MYH14: variants seen among roughly 807,000 people sequenced by gnomAD.
The protein encoded by MYH14 is myosin heavy chain 14.
Under a neutral mutation model 255.5 loss-of-function variants are expected in MYH14, and 123 were observed. The observed-to-expected ratio is 0.48, with a 90% CI of 0.42 to 0.56. The LOEUF is 0.56. Among genes scored for constraint, MYH14 ranks in the 20% least tolerant of loss-of-function variants. The pLI, the probability that MYH14 is intolerant of heterozygous loss-of-function variation, is 0.00. For synonymous variants in MYH14, 1,095 were observed against 1,161.2 expected, an observed-to-expected ratio of 0.94 and a Z score of 1.16; for missense variants, 2,423 against 2,802.3, an observed-to-expected ratio of 0.86 and a Z score of 3.06.
In MYH14 at chr19:50,309,773, C is replaced by T; in HGVS notation, c.6094C>T (p.Pro2032Ser). The change falls in exon 43 of 43, where the codon CCA becomes TCA. Residue 2032 changes from proline to serine, a missense_variant. By Grantham distance (74) the Pro-to-Ser change is moderately conservative. Coordinates refer to ENST00000642316, the MANE Select transcript of MYH14 (RefSeq NM_001145809.2). ...ATCCCCGGAGCCTGAGGGGTCCCCACCAGCCCACCCCCAGTGACCCTACCC... is the reference window on the plus strand; with the variant it reads ...ATCCCCGGAGCCTGAGGGGTCCCCATCAGCCCACCCCCAGTGACCCTACCC... ...GPSPEPEGSPPAHPQ is the reference protein window; with the variant it reads ...GPSPEPEGSPSAHPQ 1 of 1,558,338 alleles carries T rather than the reference C, an allele frequency of 6.4e-7. No homozygotes were observed. The highest frequency in any genetic ancestry group is 8.7e-7 in the Non-Finnish European group (1 of 1,143,546).
intron 23 of MYH14, among the ~76,000 whole-genome samples, chr19:50,267,298 C>A (rs1166252936): frequency 6.8e-6 from 1 of 147,806 alleles, no homozygotes; most frequent in African/African-American, 2.5e-5. Context: ...TGGAGCTGGG[C>A]TGTAGGATCT....
chr19:50,212,158 T>C (rs921483049), intron 2 of MYH14, among the ~76,000 whole-genome samples: 14 of 152,312 alleles, frequency 9.2e-5, no homozygotes, highest in African/African-American at 3.1e-4. Flanking sequence ...ACCTCTATGG[T>C]AGAATCATTT....
chr19:50,209,746 T>G (rs2032047866), intron 1 of MYH14, among the ~76,000 whole-genome samples: 1 of 142,970 alleles, frequency 7.0e-6, no homozygotes, highest in South Asian at 2.2e-4. Flanking sequence ...ATCGTGCCAC[T>G]GCACTCCAGC....
At position 50,297,058 on chromosome 19, in the gene MYH14, T is replaced by C. The variant is rs187361898; in HGVS notation, c.5469+3371T>C. ...TGGAGTGCCGTGGTGTGATCTTGGC[T>C]CACTGCAACCTCTGCCTCCCGGATT... On this transcript the variant is annotated intron_variant, in intron 39 of 42. Coordinates refer to ENST00000642316, the MANE Select transcript of MYH14 (RefSeq NM_001145809.2). 3.8e-3 allele frequency among the ~76,000 whole-genome samples: 578 copies of C among 152,082 alleles called. 2 individuals are homozygous for C. The highest frequency in any genetic ancestry group is 0.014 in the Middle Eastern group (4 of 294).
At chr19:50,268,480 G>A in intron 24 of MYH14, 113 bp downstream of exon 24, 1 of 1,193,780 alleles carries the variant, frequency 8.4e-7, no homozygotes, top group African/African-American at 1.5e-5. Context: ...AGAAAACTCA[G>A]TTCTAAGTGA....
chr19:50,257,448 A>C lies in MYH14; in HGVS notation c.2194A>C (p.Ser732Arg), dbSNP rs746720419. 6 of 1,607,656 alleles carry C rather than the reference A, an allele frequency of 3.7e-6. No individual in the cohort carries two copies. The African/African-American group carries it at 5.3e-5, about 14-fold the overall frequency. Residue 732 changes from serine to arginine, a missense_variant, in exon 18 of 43, where the codon AGT (serine) becomes CGT (arginine). Transcript: ENST00000642316. ...GGCCACACTCAGCAACACCAACCCC[A>C]GTTTTGTCCGCTGCATTGTCCCCAA... Reference protein sequence around the residue: ...LMATLSNTNPSFVRCIVPNHE... With the variant: ...LMATLSNTNPRFVRCIVPNHE...
At chr19:50,287,169 A>G (rs966101846) in intron 34 of MYH14, among the ~76,000 whole-genome samples, 8 of 152,212 alleles carry the variant, frequency 5.3e-5, no homozygotes, top group African/African-American at 1.9e-4. Flanking sequence ...GCATCCATAT[A>G]GACACACACA....
intron 24 of MYH14, 82 bp downstream of exon 24, chr19:50,268,449 G>GTCT: frequency 7.1e-7 from 1 of 1,399,166 alleles, no homozygotes; most frequent in Middle Eastern, 1.9e-4. Context: ...CAAACCGTGT[G>GTCT]TCTTTGGGCC....
chr19:50,218,754 C>T (rs1439985720), intron 3 of MYH14, among the ~76,000 whole-genome samples: 1 of 151,898 alleles, frequency 6.6e-6, no homozygotes, highest in Non-Finnish European at 1.5e-5. Flanking sequence ...TATCCCTCAC[C>T]ACCCCCCACT....
At position 50,250,022 on chromosome 19, in the gene MYH14, C is replaced by T. The variant is rs4802676; in HGVS notation, c.1656+199C>T. Among the ~76,000 whole-genome samples, 83,979 of 152,216 alleles carry T rather than the reference C, an allele frequency of 0.55. 24,015 individuals are homozygous for T. The highest frequency in any genetic ancestry group is 0.64 in the Middle Eastern group (187 of 294). On this transcript the variant is annotated intron_variant, in intron 14 of 42. Coordinates refer to ENST00000642316, the MANE Select transcript of MYH14 (RefSeq NM_001145809.2). The surrounding 1 kb of genome is among the most constrained non-coding windows in gnomAD (Gnocchi z 5.4). ...CCCAGAATGTGCCTGCCACAGGGCC[C>T]GGCTCAAATCAATCGGTTAATCAGA... is the stretch of plus-strand genomic sequence containing the variant.
At chr19:50,224,058 C>CCCCCCCCCCCCCCCCAGAAA in intron 5 of MYH14, 96 bp from the exon 6 acceptor site, 1 of 981,276 alleles carries the variant, frequency 1.0e-6, no homozygotes, top group Non-Finnish European at 1.6e-6. Context: ...CCCCACCCCC[C>CCCCCCCCCCCCCCCCAGAAA]ATGCCACCAC....
At chr19:50,227,107 G>A (rs1399761881) in intron 8 of MYH14, 141 bp downstream of exon 8, 1 of 726,702 alleles carries the variant, frequency 1.4e-6, no homozygotes, top group Non-Finnish European at 2.4e-6. Context: ...CATCTGCATG[G>A]GGAGGGGAGG....
At position 50,250,001 on chromosome 19, in the gene MYH14, G is replaced by C. The variant is rs1484884945; in HGVS notation, c.1656+178G>C. 6.6e-6 allele frequency among the ~76,000 whole-genome samples: 1 copy of C among 152,270 alleles called. No individual in the cohort carries two copies. The highest frequency in any genetic ancestry group is 1.5e-5 in the Non-Finnish European group (1 of 68,050). On this transcript the variant is annotated intron_variant, in intron 14 of 42. Coordinates refer to ENST00000642316, the MANE Select transcript of MYH14 (RefSeq NM_001145809.2). This position sits in a 1 kb window ranked among gnomAD's most constrained non-coding sequence, Gnocchi z 5.4. ...TGTGACCATAGGTGATTAGGGCCCA[G>C]AATGTGCCTGCCACAGGGCCCGGCT...
chr19:50,295,274 G>A (rs950671209), intron 39 of MYH14, among the ~76,000 whole-genome samples: 5 of 151,502 alleles, frequency 3.3e-5, no homozygotes, highest in East Asian at 2.0e-4. Flanking sequence ...GCAGTAAGCC[G>A]AGATCGCACC....
At chr19:50,223,143 A>C in intron 4 of MYH14, 33 bp downstream of exon 4, 1 of 1,613,180 alleles carries the variant, frequency 6.2e-7, no homozygotes, top group Admixed American at 1.7e-5. Context: ...CTGGAGGAGG[A>C]GAGGTCTGGG....
chr19:50,306,882 C>G (rs949201356), intron 40 of MYH14, among the ~76,000 whole-genome samples, 167 bp from the exon 41 acceptor site: 3 of 152,186 alleles, frequency 2.0e-5, no homozygotes, highest in African/African-American at 7.2e-5. Context: ...GAGAAGGCAG[C>G]CTGCATGTCA....
Position 50,293,337 on chromosome 19 carries a change from G to A in MYH14, c.5345+16G>A, listed in dbSNP as rs771656880. ...ACCTTAGCAAGTAAGTGCCCCAAGG[G>A]TCTGAAGGCTGAGGTACTGCGTCTG... On this transcript the variant is annotated intron_variant, in intron 38 of 42. Coordinates refer to ENST00000642316, the MANE Select transcript of MYH14 (RefSeq NM_001145809.2). This position sits in a 1 kb window ranked among gnomAD's most constrained non-coding sequence, Gnocchi z 4.1. 3.0e-5 allele frequency: 47 copies of A among 1,585,732 alleles called. No individual in the cohort carries two copies. In the Middle Eastern group the frequency reaches 6.6e-4, roughly 22 times the overall value.
At chr19:50,304,164 T>C (rs900800557) in intron 40 of MYH14, among the ~76,000 whole-genome samples, 5 of 152,256 alleles carry the variant, frequency 3.3e-5, no homozygotes, top group African/African-American at 4.8e-5. Flanking sequence ...AGATGGGCTA[T>C]AAATGTAGGA....
intron 30 of MYH14, among the ~76,000 whole-genome samples, 170 bp downstream of exon 30, chr19:50,278,459 G>T (rs749986172): frequency 1.3e-5 from 2 of 152,082 alleles, no homozygotes; most frequent in African/African-American, 4.8e-5. Context: ...TCTAGCACTT[G>T]GGAGGCCAAG....
Sources: allele counts gnomAD v4.1 joint callset (sites outside exome capture counted in the v4.1 genomes callset), GRCh38; gene constraint gnomAD v4.1.1; non-coding constraint Gnocchi (gnomAD v3.1); transcripts MANE v1.5; gene names NCBI Gene and HGNC (gene_info 2026-07-23, HGNC 2026-07-21).